ZNF335: variants seen among roughly 807,000 people sequenced by gnomAD.
ZNF335 encodes zinc finger protein 335.
ZNF335 carries 84 observed loss-of-function variants against 145.6 expected under a neutral mutation model. That is an observed-to-expected ratio of 0.58 (90% CI 0.48 to 0.69). The LOEUF is 0.69. ZNF335 is among the 30% of genes least tolerant of loss of function. ZNF335 has a pLI of 0.00. For missense variants in ZNF335, 1,865 were observed against 1,809.7 expected (o/e 1.03, Z -0.55); for synonymous variants, 761 against 717.0 (o/e 1.06, Z -0.98).
chr20:45,965,219 G>A (rs1293233527), intron 7 of ZNF335, among the ~76,000 whole-genome samples: 31 of 152,036 alleles, frequency 2.0e-4, no homozygotes, highest in Admixed American at 1.9e-3. Flanking sequence ...ACTGCAGGCG[G>A]CAGAGCTGGT....
chr20:45,963,549 G>T lies in ZNF335; in HGVS notation c.1457C>A (p.Ser486Tyr). 1 of 1,614,226 alleles carries T rather than the reference G, an allele frequency of 6.2e-7. No homozygotes were observed. Among genetic ancestry groups the T allele is most frequent in the Non-Finnish European group, 8.5e-7 (1 of 1,180,050 alleles). Residue 486 changes from serine to tyrosine, a missense_variant, in exon 9 of 28, where the codon TCC becomes TAC. Coordinates refer to ENST00000322927, the MANE Select transcript of ZNF335 (RefSeq NM_022095.4). ...SHEDLRFHVN[S>Y]HEAGDPQLFK... ...GAGCTGGGGATCGCCAGCCTCATGG[G>T]AGTTGACGTGGAAGCGCAGGTCCTC...
chr20:45,967,766 A>T lies in ZNF335; in HGVS notation c.782T>A (p.Leu261Gln), dbSNP rs776270519. The change falls in exon 5 of 28, where the codon CTG (leucine) becomes CAG (glutamine). Residue 261 changes from leucine (L) to glutamine (Q), a missense_variant. Leu to Gln is a moderately radical substitution (Grantham distance 113). Transcript: ENST00000322927. ...GAAGTGGCGTTCCCGCATGTGGCGCAGCAGTGTGGCCTTGGTGCTGCTCCG... is the reference window on the plus strand; with the variant it reads ...GAAGTGGCGTTCCCGCATGTGGCGCTGCAGTGTGGCCTTGGTGCTGCTCCG... The part of the protein sequence containing the change: ...QYRSSTKATL[L>Q]RHMRERHFRP... 2.4e-5 allele frequency: 38 copies of T among 1,613,208 alleles called. No individual in the cohort carries two copies. The highest frequency in any genetic ancestry group is 3.2e-5 in the Non-Finnish European group (38 of 1,179,928).
In ZNF335 at chr20:45,960,114, C is replaced by T. The variant is rs899069570; in HGVS notation, c.2020+94G>A. 42 of 1,430,714 alleles carry T rather than the reference C, an allele frequency of 2.9e-5. No individual in the cohort carries two copies. The East Asian group carries it at 3.1e-4, about 11-fold the overall frequency. 88.6% of individuals were successfully genotyped at this position (1,430,714 alleles called of 1,614,324 possible). ...TGGGCTGTTCTGTGGCTGGGGCTAC[C>T]GAGGGGGAAGGAAGAGGATGGGAGC... On this transcript the variant is annotated intron_variant, in intron 14 of 27. Coordinates refer to ENST00000322927, the MANE Select transcript of ZNF335 (RefSeq NM_022095.4).
In ZNF335 at chr20:45,967,621, T is replaced by C. The variant is rs777784242; in HGVS notation, c.828A>G (p.Ala276=). Residue 276 remains alanine (A), a synonymous_variant, in exon 6 of 28, where the codon GCA becomes GCG. Transcript: ENST00000322927. ...ERHFRPVAAA[A]AAAGKKGRLR... is the part of the protein sequence containing the mutation. ...GACGTCCTTTTTTACCAGCTGCTGCTGCGGCTGCTGCTACTGGAAGTGGAG... is the reference window on the plus strand; with the variant it reads ...GACGTCCTTTTTTACCAGCTGCTGCCGCGGCTGCTGCTACTGGAAGTGGAG... 2 of 1,614,006 alleles carry C rather than the reference T, an allele frequency of 1.2e-6. No individual in the cohort carries two copies. The highest frequency in any genetic ancestry group is 3.3e-5 in the Admixed American group (2 of 60,008).
At position 45,971,431 on chromosome 20, in the gene ZNF335, C is replaced by A; in HGVS notation, c.-21G>T. The A allele has an allele frequency of 6.3e-7, 1 of 1,597,988 alleles. No homozygotes were observed. Among genetic ancestry groups the A allele is most frequent in the Non-Finnish European group, 8.5e-7 (1 of 1,179,214 alleles). On this transcript the variant is annotated 5_prime_UTR_variant, in exon 2 of 28. Coordinates refer to ENST00000322927, the MANE Select transcript of ZNF335 (RefSeq NM_022095.4). ...TCCATCTGATCGGCGGGCTGCCTGA[C>A]AGCGGGGCGTAGGGTCTGGGAACTT...
At chr20:45,961,391 T>G (rs1483696157) in intron 10 of ZNF335, 1 of 153,690 alleles carries the variant, frequency 6.5e-6, no homozygotes, top group Non-Finnish European at 1.4e-5. Flanking sequence ...ACCCTGTCAA[T>G]CAGTCAATAA....
intron 2 of ZNF335, among the ~76,000 whole-genome samples, chr20:45,970,920 C>T (rs1353986396): frequency 1.3e-5 from 2 of 152,106 alleles, no homozygotes; most frequent in Non-Finnish European, 2.9e-5. Flanking sequence ...AGTGTGAGGA[C>T]TGTGGGTAGT....
intron 17 of ZNF335, among the ~76,000 whole-genome samples, chr20:45,955,420 A>G (rs1044238556): frequency 6.6e-6 from 1 of 151,478 alleles, no homozygotes; most frequent in Admixed American, 6.6e-5. Flanking sequence ...ATGCAGGGAA[A>G]TATACCCTAC....
At chr20:45,971,160 T>C (rs1401079751) in intron 2 of ZNF335, 50 bp downstream of exon 2, 5 of 1,471,726 alleles carry the variant, frequency 3.4e-6, no homozygotes, top group Non-Finnish European at 4.5e-6. Flanking sequence ...TGTCAGGCAC[T>C]GCTGCTCGCG....
Position 45,963,517 on chromosome 20 carries a change from A to C in ZNF335, c.1489T>G (p.Cys497Gly). 1 of 1,614,160 alleles carries C rather than the reference A, an allele frequency of 6.2e-7. No individual in the cohort carries two copies. Among genetic ancestry groups the C allele is most frequent in the Non-Finnish European group, 8.5e-7 (1 of 1,180,034 alleles). Residue 497 changes from cysteine (C) to glycine (G), a missense_variant, in exon 9 of 28, where the codon TGC becomes GGC. Transcript: ENST00000322927. ...HEAGDPQLFK[C>G]LQCSYRSRRW... Reference sequence around the variant, plus strand: ...CGGGAACGATAGCTGCACTGCAGGCACTTGAAGAGCTGGGGATCGCCAGCC... The same window carrying C: ...CGGGAACGATAGCTGCACTGCAGGCCCTTGAAGAGCTGGGGATCGCCAGCC...
Position 45,957,594 on chromosome 20 carries a change from C to A in ZNF335, c.2434G>T (p.Ala812Ser). 6.2e-7 allele frequency: 1 copy of A among 1,614,070 alleles called. No individual in the cohort carries two copies. The highest frequency in any genetic ancestry group is 8.5e-7 in the Non-Finnish European group (1 of 1,179,980). ...GTTCCCAGGCAGCTCACCTGCAGGGCTGTGCCCCCCAGTTCCCGCTGAGCA... is the reference window on the plus strand; with the variant it reads ...GTTCCCAGGCAGCTCACCTGCAGGGATGTGCCCCCCAGTTCCCGCTGAGCA... The part of the protein sequence containing the change: ...MSAQRELGGT[A>S]LQVAVVKSED... The change falls in exon 17 of 28, where the codon GCC (alanine) becomes TCC (serine). Residue 812 changes from alanine to serine, a missense_variant. Physicochemically the swap from Ala to Ser is moderately conservative, Grantham distance 99. Coordinates refer to ENST00000322927, the MANE Select transcript of ZNF335 (RefSeq NM_022095.4).
rs118021402 is a variant in ZNF335, at chr20:45,968,661, C to T, written c.443-299G>A. 2,968 of 377,782 alleles carry T rather than the reference C, an allele frequency of 7.9e-3. 31 individuals are homozygous for T. The highest frequency in any genetic ancestry group is 0.037 in the East Asian group (901 of 24,528). The allele number at this position is 377,782 out of a possible 1,614,324, so 23.4% of individuals were successfully genotyped here. On this transcript the variant is annotated intron_variant, in intron 3 of 27. Coordinates refer to ENST00000322927, the MANE Select transcript of ZNF335 (RefSeq NM_022095.4). ...AACCTGGGAAGTCCTCCTTCCTCTC[C>T]AAACTTCTCAAAGTAAAGGACCAGC...
At position 45,968,151 on chromosome 20, in the gene ZNF335, C is replaced by T. The variant is rs953524452; in HGVS notation, c.521-124G>A. The T allele has an allele frequency of 1.4e-5, 21 of 1,505,018 alleles. No homozygotes were observed. The South Asian group carries it at 1.8e-4, about 13-fold the overall frequency. 93.2% of individuals were successfully genotyped at this position (1,505,018 alleles called of 1,614,324 possible). A position where few individuals can be genotyped will look rare whatever the true frequency, so the allele number is the denominator to read the frequency against. On this transcript the variant is annotated intron_variant, in intron 4 of 27. Transcript: ENST00000322927. ...CCAAATTCCCCACCAGAGGCCAACC[C>T]GTCAGTAGGAAAACTGAGACCCAGA... is the stretch of plus-strand genomic sequence containing the variant.
intron 2 of ZNF335, 191 bp from the exon 3 acceptor site, chr20:45,969,882 ACAGGGTCC>A: frequency 1.5e-6 from 1 of 657,394 alleles, no homozygotes; most frequent in Non-Finnish European, 2.4e-6. Context: ...GGAAAAAGTC[ACAGGGTCC>A]CTGGATCTCA....
In ZNF335 at chr20:45,949,821, G is replaced by C. The variant is rs771384983; in HGVS notation, c.3648C>G (p.His1216Gln). The C allele has an allele frequency of 1.2e-6, 2 of 1,614,010 alleles. No individual in the cohort carries two copies. The highest frequency in any genetic ancestry group is 1.7e-6 in the Non-Finnish European group (2 of 1,180,018). Residue 1216 changes from histidine (H) to glutamine (Q), a missense_variant, in exon 24 of 28, where the codon CAC becomes CAG. Coordinates refer to ENST00000322927, the MANE Select transcript of ZNF335 (RefSeq NM_022095.4). ...TCACCTGGTTGTCGGAGGTCACCAG[G>C]TGCTGTACGGTCTGGCCATCTGCCG... ...ITTADGQTVQHLVTSDNQVQY... is the reference protein window; with the variant it reads ...ITTADGQTVQQLVTSDNQVQY...
In ZNF335 at chr20:45,960,699, A is replaced by G; in HGVS notation, c.1699T>C (p.Cys567Arg). 8.7e-6 allele frequency: 14 copies of G among 1,614,156 alleles called. No homozygotes were observed. Among genetic ancestry groups the G allele is most frequent in the Non-Finnish European group, 1.2e-5 (14 of 1,180,024 alleles). ...PKLSSFPCPV[C>R]GRVYPMQKRL... Reference sequence around the variant, plus strand: ...TTCTGCATGGGGTACACACGGCCACACACAGGGCAGGGGAAAGAGCTCAGC... The same window carrying G: ...TTCTGCATGGGGTACACACGGCCACGCACAGGGCAGGGGAAAGAGCTCAGC... Residue 567 changes from cysteine (C) to arginine (R), a missense_variant, in exon 12 of 28, where the codon TGT (cysteine) becomes CGT (arginine). By Grantham distance (180) the Cys-to-Arg change is radical (BLOSUM62 -3). Coordinates refer to ENST00000322927, the MANE Select transcript of ZNF335 (RefSeq NM_022095.4).
Position 45,972,181 on chromosome 20 carries a change from T to C in ZNF335, c.-110A>G. The stretch of plus-strand genomic sequence containing the variant: ...CGGCATCGACGAGGTCGCCATCCTC[T>C]TTCCTCCGCTGCGGAGGAACCCATC... On this transcript the variant is annotated 5_prime_UTR_variant, in exon 1 of 28. Transcript: ENST00000322927. 1 of 1,289,182 alleles carries C rather than the reference T, an allele frequency of 7.8e-7. No homozygotes were observed. Among genetic ancestry groups the C allele is most frequent in the Non-Finnish European group, 1.0e-6 (1 of 988,520 alleles). 79.9% of individuals were successfully genotyped at this position (1,289,182 alleles called of 1,614,324 possible).
Position 45,967,521 on chromosome 20 carries a change from C to A in ZNF335, c.928G>T (p.Asp310Tyr). ...PEEEDDDDIVDAGAIDDLEED... is the reference protein window; with the variant it reads ...PEEEDDDDIVYAGAIDDLEED... ...TCCAGGTCATCAATGGCTCCAGCGT[C>A]TACAATGTCATCATCGTCCTCCTCC... Residue 310 changes from aspartate (D) to tyrosine (Y), a missense_variant, in exon 6 of 28, where the codon GAC becomes TAC. Coordinates refer to ENST00000322927, the MANE Select transcript of ZNF335 (RefSeq NM_022095.4). The A allele has an allele frequency of 1.2e-6, 2 of 1,614,116 alleles. No homozygotes were observed. Among genetic ancestry groups the A allele is most frequent in the Non-Finnish European group, 1.7e-6 (2 of 1,180,030 alleles).
At chr20:45,965,590 A>G in intron 7 of ZNF335, 38 bp downstream of exon 7, 1 of 1,575,558 alleles carries the variant, frequency 6.3e-7, no homozygotes, top group African/African-American at 1.4e-5. Flanking sequence ...GCCACTCCTG[A>G]CCCACCCACA....
Sources: allele counts gnomAD v4.1 joint callset (sites outside exome capture counted in the v4.1 genomes callset), GRCh38; gene constraint gnomAD v4.1.1; transcripts MANE v1.5; gene names NCBI Gene and HGNC (gene_info 2026-07-23, HGNC 2026-07-21).